Variants in ZC3H7B observed in about 807,000 individuals in gnomAD.
ZC3H7B encodes the protein zinc finger CCCH domain-containing protein 7B.
A neutral mutation model predicts 116.0 loss-of-function variants in ZC3H7B; 35 were observed. The observed-to-expected ratio is 0.30, with a 90% CI of 0.23 to 0.40. The LOEUF is 0.40. Ranked by LOEUF, ZC3H7B falls within the 10% of genes least tolerant of loss-of-function variation. The probability of loss-of-function intolerance (pLI) is 1.00; values close to 1 mark genes in which losing one functional copy is unlikely to be tolerated. For missense variants in ZC3H7B, 1,011 were observed against 1,321.5 expected, an observed-to-expected ratio of 0.77 and a Z score of 3.64; for synonymous variants, 502 against 545.6, an observed-to-expected ratio of 0.92 and a Z score of 1.11.
At position 41,343,442 on chromosome 22, in the gene ZC3H7B, G is replaced by T. The variant is rs200457581; in HGVS notation, c.1325G>T (p.Arg442Leu). ...TGPRAGDYTYREGLEHKCKRD... is the reference protein window; with the variant it reads ...TGPRAGDYTYLEGLEHKCKRD... Reference sequence around the variant, plus strand: ...CCCCGGGCTGGCGACTACACCTACCGTGAGGGCCTTGAGCACAAGTGCAAG... The same window carrying T: ...CCCCGGGCTGGCGACTACACCTACCTTGAGGGCCTTGAGCACAAGTGCAAG... Residue 442 changes from arginine to leucine, a missense_variant, in exon 13 of 23, where the codon CGT (arginine) becomes CTT (leucine). Physicochemically the swap from Arg to Leu is moderately radical, Grantham distance 102. Coordinates refer to ENST00000352645, the MANE Select transcript of ZC3H7B (RefSeq NM_017590.6). The T allele has an allele frequency of 1.2e-6, 2 of 1,613,474 alleles. No homozygotes were observed. The highest frequency in any genetic ancestry group is 1.7e-6 in the Non-Finnish European group (2 of 1,179,588).
chr22:41,356,864 T>G, intron 22 of ZC3H7B, 56 bp downstream of exon 22: 1 of 1,604,740 alleles, frequency 6.2e-7, no homozygotes, highest in Non-Finnish European at 8.5e-7. Flanking sequence ...GGAGATGGAG[T>G]CCGTGGCCAG....
intron 1 of ZC3H7B, among the ~76,000 whole-genome samples, chr22:41,315,701 T>G (rs1356605039): frequency 6.6e-6 from 1 of 152,142 alleles, no homozygotes; most frequent in East Asian, 1.9e-4. Flanking sequence ...CACATGGCCT[T>G]TCTTTGGTGC....
chr22:41,350,094 T>C (rs1393484745), intron 16 of ZC3H7B, among the ~76,000 whole-genome samples: 1 of 152,124 alleles, frequency 6.6e-6, no homozygotes, highest in Admixed American at 6.5e-5. Context: ...GGGAGCATTT[T>C]AGGTAAGATG....
Position 41,327,299 on chromosome 22 carries a change from A to G in ZC3H7B, c.379A>G (p.Asn127Asp), listed in dbSNP as rs776240595. The change falls in exon 5 of 23, where the codon AAT (asparagine) becomes GAT (aspartate). Residue 127 changes from asparagine to aspartate, a missense_variant. Asn to Asp is a conservative substitution (Grantham distance 23). Coordinates refer to ENST00000352645, the MANE Select transcript of ZC3H7B (RefSeq NM_017590.6). This position sits in a 1 kb window ranked among gnomAD's most constrained non-coding sequence, Gnocchi z 4.5. Reference sequence around the variant, plus strand: ...GTTGTTCCGCAAGGCACGCGCTCTCAATGAACTGGGACGCCACAAGGAGGC... The same window carrying G: ...GTTGTTCCGCAAGGCACGCGCTCTCGATGAACTGGGACGCCACAAGGAGGC... The part of the protein sequence containing the change: ...RALFRKARAL[N>D]ELGRHKEAYE... 2.5e-6 allele frequency: 4 copies of G among 1,613,914 alleles called. No individual in the cohort carries two copies. The highest frequency in any genetic ancestry group is 3.4e-6 in the Non-Finnish European group (4 of 1,180,036).
intron 1 of ZC3H7B, among the ~76,000 whole-genome samples, chr22:41,310,879 C>G (rs897695852): frequency 6.4e-4 from 97 of 152,030 alleles, no homozygotes; most frequent in African/African-American, 2.3e-3. Context: ...ATTCTCCTGC[C>G]TCAGCCTCCC....
Position 41,302,608 on chromosome 22 carries a change from C to T in ZC3H7B, c.-7+836C>T, listed in dbSNP as rs1276145960. Among the ~76,000 whole-genome samples the T allele has an allele frequency of 2.0e-5, 3 of 152,194 alleles. No homozygotes were observed. The highest frequency in any genetic ancestry group is 4.4e-5 in the Non-Finnish European group (3 of 68,026). ...ATCCTGCCCGCTGCGAACCTCAGGG[C>T]CCCCCTCCGGGTTTGCTCCCTCCTC... On this transcript the variant is annotated intron_variant, in intron 1 of 22. Transcript: ENST00000352645. The surrounding 1 kb of genome is among the most constrained non-coding windows in gnomAD (Gnocchi z 5.7).
chr22:41,322,007 T>A (rs550359133), intron 2 of ZC3H7B, among the ~76,000 whole-genome samples: 21 of 148,192 alleles, frequency 1.4e-4, no homozygotes, highest in Non-Finnish European at 1.9e-4. Context: ...GCCCGGCTAA[T>A]TTTTTGTATT....
chr22:41,334,396 C>T (rs1413436049), intron 7 of ZC3H7B: 1 of 152,262 alleles, frequency 6.6e-6, no homozygotes, highest in African/African-American at 2.4e-5. Flanking sequence ...GGGCCAAGGC[C>T]GCAAAGCCTT....
Position 41,348,977 on chromosome 22 carries a change from C to T in ZC3H7B, c.1767-143C>T. On this transcript the variant is annotated intron_variant, in intron 15 of 22. Transcript: ENST00000352645. Reference sequence around the variant, plus strand: ...GCATAGGAGCCCTGTTTCTGCCCTCCTGTGTCATCCATGGCCTGGATTTGG... The same window carrying T: ...GCATAGGAGCCCTGTTTCTGCCCTCTTGTGTCATCCATGGCCTGGATTTGG... 4.4e-6 allele frequency: 4 copies of T among 912,978 alleles called. No individual in the cohort carries two copies. In the South Asian group the frequency reaches 5.0e-5, roughly 11 times the overall value. 56.6% of individuals were successfully genotyped at this position (912,978 alleles called of 1,614,324 possible).
chr22:41,355,145 C>T (rs1162963240), intron 17 of ZC3H7B, among the ~76,000 whole-genome samples: 8 of 152,304 alleles, frequency 5.3e-5, no homozygotes, highest in African/African-American at 1.9e-4. Context: ...GGAGGAAGGG[C>T]AGCGGGAACA....
Position 41,318,265 on chromosome 22 carries a change from C to T in ZC3H7B, c.-6-2390C>T, listed in dbSNP as rs543260095. Among the ~76,000 whole-genome samples, 55 of 151,934 alleles carry T rather than the reference C, an allele frequency of 3.6e-4. No homozygotes were observed. In the East Asian group the frequency reaches 8.2e-3, roughly 23 times the overall value. ...GCCTGAGAGGCTGGGCGCGGTGGCT[C>T]ACGCCTGTAATCCCAGCACTTTGGG... On this transcript the variant is annotated intron_variant, in intron 1 of 22. Transcript: ENST00000352645.
chr22:41,325,407 G>T (rs931544197), intron 2 of ZC3H7B, among the ~76,000 whole-genome samples, 157 bp from the exon 3 acceptor site: 82 of 152,154 alleles, frequency 5.4e-4, no homozygotes, highest in Non-Finnish European at 2.2e-4. Flanking sequence ...AGAACTGGAA[G>T]GCCTGCATGG....
intron 2 of ZC3H7B, among the ~76,000 whole-genome samples, chr22:41,321,925 C>T (rs2036262296): frequency 7.1e-6 from 1 of 140,366 alleles, no homozygotes; most frequent in East Asian, 2.2e-4. Context: ...CTGCAAGCTC[C>T]GCCTCCCGGG....
At position 41,320,670 on chromosome 22, in the gene ZC3H7B, C is replaced by A; in HGVS notation, c.10C>A (p.Gln4Lys). 1 of 1,608,054 alleles carries A rather than the reference C, an allele frequency of 6.2e-7. No individual in the cohort carries two copies. The highest frequency in any genetic ancestry group is 8.5e-7 in the Non-Finnish European group (1 of 1,176,298). Reference protein sequence around the residue: MERQKRKADIEKGL... With the variant: MERKKRKADIEKGL... ...TCTTCCCCAGAGACTGATGGAGAGGCAGAAACGGAAGGCGGACATCGAGAA... is the reference window on the plus strand; with the variant it reads ...TCTTCCCCAGAGACTGATGGAGAGGAAGAAACGGAAGGCGGACATCGAGAA... Residue 4 changes from glutamine to lysine, a missense_variant, in exon 2 of 23, where the codon CAG (glutamine) becomes AAG (lysine). Physicochemically the swap from Gln to Lys is moderately conservative, Grantham distance 53. Transcript: ENST00000352645.
chr22:41,344,291 G>A (rs993762770), intron 13 of ZC3H7B, among the ~76,000 whole-genome samples: 1 of 152,154 alleles, frequency 6.6e-6, no homozygotes, highest in African/African-American at 2.4e-5. Flanking sequence ...CAGGCCTCCT[G>A]AACTTGCTCC....
Position 41,357,387 on chromosome 22 carries a change from A to G in ZC3H7B, c.2892A>G (p.Pro964=), listed in dbSNP as rs771160350. ...QEDGDLAGAT[P]EAPAAAATAT... is the part of the protein sequence containing the mutation. Reference sequence around the variant, plus strand: ...ACGGGGACCTTGCCGGTGCCACCCCAGAAGCCCCTGCTGCTGCTGCCACCG... The same window carrying G: ...ACGGGGACCTTGCCGGTGCCACCCCGGAAGCCCCTGCTGCTGCTGCCACCG... Residue 964 remains proline, a synonymous_variant, in exon 23 of 23, where the codon CCA becomes CCG. Coordinates refer to ENST00000352645, the MANE Select transcript of ZC3H7B (RefSeq NM_017590.6). This position sits in a 1 kb window ranked among gnomAD's most constrained non-coding sequence, Gnocchi z 5.4. 9 of 1,613,008 alleles carry G rather than the reference A, an allele frequency of 5.6e-6. No individual in the cohort carries two copies. Among genetic ancestry groups the G allele is most frequent in the Non-Finnish European group, 7.6e-6 (9 of 1,179,918 alleles).
At chr22:41,347,957 C>A in intron 14 of ZC3H7B, 110 bp from the exon 15 acceptor site, 1 of 870,140 alleles carries the variant, frequency 1.1e-6, no homozygotes, top group Non-Finnish European at 1.9e-6. Flanking sequence ...TGACCCAGGG[C>A]AGGGCTTGCA....
intron 2 of ZC3H7B, among the ~76,000 whole-genome samples, chr22:41,322,075 G>A (rs1189880555): frequency 1.3e-5 from 2 of 151,252 alleles, no homozygotes; most frequent in Non-Finnish European, 2.9e-5. Flanking sequence ...TCCTGACCTC[G>A]TGATCCGCCC....
At chr22:41,328,098 G>A (rs1161081299) in intron 5 of ZC3H7B, among the ~76,000 whole-genome samples, 1 of 151,914 alleles carries the variant, frequency 6.6e-6, no homozygotes, top group Non-Finnish European at 1.5e-5. Flanking sequence ...TTGCACTTCA[G>A]CCTGAGTTTG....
Sources: gnomAD v4.1 joint callset for allele counts (sites outside exome capture counted in the v4.1 genomes callset) on GRCh38, gnomAD v4.1.1 for gene constraint, Gnocchi (gnomAD v3.1) non-coding constraint, MANE v1.5 for transcripts, NCBI Gene and HGNC (gene_info 2026-07-23, HGNC 2026-07-21) for gene names.